The following RNF24 variants were observed in gnomAD, a reference collection of about 807,000 sequenced individuals.
RNF24 encodes ring finger protein 24.
Under a neutral mutation model 20.0 loss-of-function variants are expected in RNF24, and 14 were observed. The ratio of observed to expected loss-of-function variants is 0.70; its 90% confidence interval spans 0.46 to 1.10. The LOEUF (loss-of-function observed/expected upper bound fraction) is 1.10. Ranked by LOEUF, RNF24 falls within the 50% of genes least tolerant of loss-of-function variation. The pLI is 0.00. For synonymous variants in RNF24, 45 were observed against 61.1 expected, an observed-to-expected ratio of 0.74 and a Z score of 1.23; for missense variants, 124 against 177.6, an observed-to-expected ratio of 0.70 and a Z score of 1.71.
chr20:4,008,445 T>TATATATA lies in RNF24; in HGVS notation c.-8+6985_-8+6991dup, dbSNP rs1375365837. Reference sequence around the variant, plus strand: ...TATATATAATATATAATATGTATAATATATATAATATATAATATATAATAT... The same window carrying TATATATA: ...TATATATAATATATAATATGTATAATATATATAATATATAATATATAATATATAATAT... On this transcript the variant is annotated intron_variant, in intron 1 of 5. Coordinates refer to ENST00000358395, the MANE Select transcript of RNF24 (RefSeq NM_001134337.3). Among the ~76,000 whole-genome samples the TATATATA allele has an allele frequency of 2.5e-4, 4 of 15,952 alleles. No homozygotes were observed. In the East Asian group the frequency reaches 2.5e-3, roughly 10 times the overall value. 10.5% of individuals were successfully genotyped at this position (15,952 alleles called of 152,430 possible).
Position 4,014,739 on chromosome 20 carries a change from G to GCGCACACACACACA in RNF24, c.-8+697_-8+698insTGTGTGTGTGTGCG, listed in dbSNP as rs1555804206. 6.3e-4 allele frequency among the ~76,000 whole-genome samples: 91 copies of GCGCACACACACACA among 143,778 alleles called. 1 individual carries two copies. The highest frequency in any genetic ancestry group is 1.6e-3 in the African/African-American group (64 of 38,966). 94.3% of individuals were successfully genotyped at this position (143,778 alleles called of 152,430 possible). On this transcript the variant is annotated intron_variant, in intron 1 of 5. Coordinates refer to ENST00000358395, the MANE Select transcript of RNF24 (RefSeq NM_001134337.3). ...ATAGATGTCCCTTTCACTTGAATGCGCACACACACACACACACACACACAC... is the reference window on the plus strand; with the variant it reads ...ATAGATGTCCCTTTCACTTGAATGCGCGCACACACACACACACACACACACACACACACACACAC...
chr20:3,934,921 C>T lies in RNF24; in HGVS notation c.308+73G>A, dbSNP rs907352433. The T allele has an allele frequency of 7.5e-7, 1 of 1,332,190 alleles. No homozygotes were observed. Among genetic ancestry groups the T allele is most frequent in the African/African-American group, 1.4e-5 (1 of 69,386 alleles). 82.5% of individuals were successfully genotyped at this position (1,332,190 alleles called of 1,614,324 possible). A position where few individuals can be genotyped will look rare whatever the true frequency, so the allele number is the denominator to read the frequency against. ...GCCATCAAGCTTGTCTGGCACTGCC[C>T]TAAAACCCAAAAGAAGTTGGTTGAT... is the stretch of plus-strand genomic sequence containing the variant. On this transcript the variant is annotated intron_variant, in intron 5 of 5. Coordinates refer to ENST00000358395, the MANE Select transcript of RNF24 (RefSeq NM_001134337.3). The surrounding 1 kb of genome is among the most constrained non-coding windows in gnomAD (Gnocchi z 4.0).
intron 2 of RNF24, among the ~76,000 whole-genome samples, chr20:3,957,168 C>A (rs1181768380): frequency 6.6e-6 from 1 of 151,734 alleles, no homozygotes; most frequent in Non-Finnish European, 1.5e-5. Flanking sequence ...CATGGTGGTA[C>A]ACGCCTGTAA....
At chr20:3,937,988 T>G (rs2090912055) in intron 4 of RNF24, among the ~76,000 whole-genome samples, 1 of 152,226 alleles carries the variant, frequency 6.6e-6, no homozygotes, top group African/African-American at 2.4e-5. Flanking sequence ...GTGGAATTGC[T>G]GGGTCATATG....
chr20:3,964,620 T>C (rs1020640030), intron 1 of RNF24, among the ~76,000 whole-genome samples: 11 of 152,090 alleles, frequency 7.2e-5, no homozygotes, highest in Non-Finnish European at 2.9e-5. Context: ...TCTCCCGGGC[T>C]CAAGCAATTC....
chr20:4,004,652 GT>G (rs1478221941), intron 1 of RNF24, among the ~76,000 whole-genome samples: 1 of 152,182 alleles, frequency 6.6e-6, no homozygotes, highest in East Asian at 1.9e-4. Flanking sequence ...AGACTAGAAT[GT>G]GTGGAATCAC....
Position 3,966,469 on chromosome 20 carries a change from AGTGTGTGTGT to A in RNF24, c.-7-2455_-7-2446del, listed in dbSNP as rs72006955. On this transcript the variant is annotated intron_variant, in intron 1 of 5. Coordinates refer to ENST00000358395, the MANE Select transcript of RNF24 (RefSeq NM_001134337.3). The stretch of plus-strand genomic sequence containing the variant: ...AAGAGGACAAAACTATTAAGGCTTT[AGTGTGTGTGT>A]GTGTGTGTGTGTGTGTGTGTGTGTG... Among the ~76,000 whole-genome samples, 35 of 129,310 alleles carry A rather than the reference AGTGTGTGTGT, an allele frequency of 2.7e-4. No individual in the cohort carries two copies. The South Asian group carries it at 4.5e-3, about 17-fold the overall frequency. 84.8% of individuals were successfully genotyped at this position (129,310 alleles called of 152,430 possible).
intron 2 of RNF24, among the ~76,000 whole-genome samples, chr20:3,955,829 G>A (rs892133829): frequency 1.3e-5 from 2 of 152,056 alleles, no homozygotes; most frequent in South Asian, 2.1e-4. Flanking sequence ...AGTTTTCAGG[G>A]TATAAGTCTT....
At chr20:4,009,444 T>C (rs1276623225) in intron 1 of RNF24, among the ~76,000 whole-genome samples, 1 of 151,952 alleles carries the variant, frequency 6.6e-6, no homozygotes, top group African/African-American at 2.4e-5. Flanking sequence ...GCATGAGGTA[T>C]AGAAGATGTG....
In RNF24 at chr20:3,930,546, G is replaced by C. The variant is rs2090808384; in HGVS notation, c.*3517C>G. 1 of 152,236 alleles carries C rather than the reference G, an allele frequency of 6.6e-6. No individual in the cohort carries two copies. The highest frequency in any genetic ancestry group is 1.5e-5 in the Non-Finnish European group (1 of 68,078). The allele number at this position is 152,236 out of a possible 1,614,324, so 9.4% of individuals were successfully genotyped here. The stretch of plus-strand genomic sequence containing the variant: ...CTAAGGAAGCTAAGGAAGAGACTGA[G>C]AGGCTAACCTGCAGAAGGGCCTAAG... On this transcript the variant is annotated 3_prime_UTR_variant, in exon 6 of 6. Transcript: ENST00000358395.
intron 4 of RNF24, among the ~76,000 whole-genome samples, chr20:3,935,504 G>A (rs2090879927): frequency 6.6e-6 from 1 of 152,198 alleles, no homozygotes; most frequent in Admixed American, 6.5e-5. Flanking sequence ...TCAAGCCCTG[G>A]CAATCTTTTC....
chr20:4,001,534 C>A (rs1038568030), intron 1 of RNF24, among the ~76,000 whole-genome samples: 4 of 151,956 alleles, frequency 2.6e-5, no homozygotes, highest in Non-Finnish European at 5.9e-5. Context: ...ATTGTAAATC[C>A]AAAACACATA....
intron 1 of RNF24, among the ~76,000 whole-genome samples, chr20:3,996,933 A>G (rs1281338930): frequency 1.3e-5 from 2 of 152,088 alleles, no homozygotes; most frequent in Non-Finnish European, 2.9e-5. Flanking sequence ...TAAGAAATAC[A>G]TTTTAGGCTG....
chr20:3,962,712 A>ATT (rs754993846), intron 2 of RNF24, among the ~76,000 whole-genome samples: 5 of 140,860 alleles, frequency 3.5e-5, no homozygotes, highest in African/African-American at 7.8e-5. Context: ...TGATCAAACT[A>ATT]TTTTTTTTTT....
chr20:3,970,203 T>C (rs73086540), intron 1 of RNF24, among the ~76,000 whole-genome samples: 17,687 of 152,012 alleles, frequency 0.12, 1,379 homozygotes, highest in Non-Finnish European at 0.17. Flanking sequence ...GAGGTATCAG[T>C]GAAAGCCTAG....
rs1231829219 is a variant in RNF24 at position 3,975,379 on chromosome 20, AGTAT to A, written c.-7-11359_-7-11356del. Among the ~76,000 whole-genome samples, 204 of 152,366 alleles carry A rather than the reference AGTAT, an allele frequency of 1.3e-3. 2 individuals carry two copies. Among genetic ancestry groups the A allele is most frequent in the Admixed American group, 2.4e-3 (37 of 15,300 alleles). On this transcript the variant is annotated intron_variant, in intron 1 of 5. Coordinates refer to ENST00000358395, the MANE Select transcript of RNF24 (RefSeq NM_001134337.3). ...TCCAGACTTGACACCAAAAGCAAGG[AGTAT>A]AAAAGGAAAAATTGATACACTGGAC...
intron 2 of RNF24, among the ~76,000 whole-genome samples, chr20:3,953,759 G>GTTTTT (rs66825220): frequency 1.0e-4 from 14 of 138,608 alleles, no homozygotes; most frequent in African/African-American, 3.7e-4. Flanking sequence ...TCTTGTAGTA[G>GTTTTT]TTTTTTTTTT....
chr20:4,007,050 C>T (rs1229305820), intron 1 of RNF24, among the ~76,000 whole-genome samples: 1 of 152,208 alleles, frequency 6.6e-6, no homozygotes, highest in Non-Finnish European at 1.5e-5. Context: ...GAAGGAGTCC[C>T]CACTACCTAC....
chr20:3,960,398 G>A (rs920892546), intron 2 of RNF24, among the ~76,000 whole-genome samples: 10 of 152,130 alleles, frequency 6.6e-5, no homozygotes, highest in Non-Finnish European at 1.2e-4. Flanking sequence ...GGCCAGGCGC[G>A]GTGGCTCATG....
Sources: allele counts gnomAD v4.1 joint callset (sites outside exome capture counted in the v4.1 genomes callset), GRCh38; gene constraint gnomAD v4.1.1; non-coding constraint Gnocchi (gnomAD v3.1); transcripts MANE v1.5; gene names NCBI Gene and HGNC (gene_info 2026-07-23, HGNC 2026-07-21).